WFIKKN1: variants seen among roughly 807,000 people sequenced by gnomAD.
The protein encoded by WFIKKN1 is WAP, Kazal, immunoglobulin, Kunitz and NTR domain-containing protein 1.
In WFIKKN1, 6 loss-of-function variants were observed where a neutral mutation model predicts 4.6. The ratio of observed to expected loss-of-function variants is 1.31; its 90% CI spans 0.72 to 2.59. The LOEUF is 2.59. WFIKKN1 is among the 30% of genes most tolerant of loss of function. WFIKKN1 has a pLI of 0.00. For missense variants in WFIKKN1, 964 were observed against 818.0 expected (o/e 1.18, Z -2.18); for synonymous variants, 468 against 367.4 (o/e 1.27, Z -3.13).
rs771429304 is a variant in WFIKKN1 at position 633,010 on chromosome 16, G to T, written c.600G>T (p.Gly200=). The change falls in exon 2 of 2, where the codon GGG becomes GGT. Residue 200 remains glycine, a synonymous_variant. Coordinates refer to ENST00000319070, the MANE Select transcript of WFIKKN1 (RefSeq NM_053284.3). ...CCTCCCCACAGGCGGTGCAGGTTGG[G>T]GGTACGGCCAGCCTCCACTGCGACG... is the stretch of plus-strand genomic sequence containing the variant. ...SSPSPQAVQV[G]GTASLHCDVS... 1.2e-6 allele frequency: 2 copies of T among 1,606,170 alleles called. No individual in the cohort carries two copies. Among genetic ancestry groups the T allele is most frequent in the South Asian group, 1.1e-5 (1 of 90,332 alleles).
rs775870027 is a variant in WFIKKN1, at chr16:633,911, C to T, written c.1501C>T (p.Leu501=). ...CAACATGACGGCGGGCGACGGGCCG[C>T]TGGTCATCATGGGTGAGGTGCGCGA... ...CPNMTAGDGP[L]VIMGEVRDGV... is the part of the protein sequence containing the mutation. Residue 501 remains leucine, a synonymous_variant, in exon 2 of 2, where the codon CTG becomes TTG. Transcript: ENST00000319070. 6.3e-7 allele frequency: 1 copy of T among 1,594,116 alleles called. No homozygotes were observed. Among genetic ancestry groups the T allele is most frequent in the Non-Finnish European group, 8.5e-7 (1 of 1,171,288 alleles).
Position 632,534 on chromosome 16 carries a change from C to T in WFIKKN1, c.172-48C>T, listed in dbSNP as rs373848240. On this transcript the variant is annotated intron_variant, in intron 1 of 1. Transcript: ENST00000319070. ...CCTTGCAGGGGCCAGGCCAGAGCCC[C>T]GGGGCGGGGGGCATTGGGGCTCCCA... 31 of 1,447,186 alleles carry T rather than the reference C, an allele frequency of 2.1e-5. No individual in the cohort carries two copies. The East Asian group carries it at 4.0e-4, about 19-fold the overall frequency. 89.6% of individuals were successfully genotyped at this position (1,447,186 alleles called of 1,614,324 possible). A position where few individuals can be genotyped will look rare whatever the true frequency, so the allele number is the denominator to read the frequency against.
Position 633,630 on chromosome 16 carries a change from ATGCC to A in WFIKKN1, c.1225_1228del (p.Cys409ProfsTer19). ...TTCCACAGCCGCGAGAGCTGCGAGG[ATGCC>A]TGCCCCGTGCCGCGCACACCGCCCT... is the stretch of plus-strand genomic sequence containing the variant. On this transcript the variant is annotated frameshift_variant, in exon 2 of 2. Coordinates refer to ENST00000319070, the MANE Select transcript of WFIKKN1 (RefSeq NM_053284.3). LOFTEE classifies it low-confidence loss of function (END_TRUNC). 7.0e-6 allele frequency: 11 copies of A among 1,570,652 alleles called. No homozygotes were observed. Among genetic ancestry groups the A allele is most frequent in the Non-Finnish European group, 8.6e-6 (10 of 1,162,750 alleles).
At position 632,932 on chromosome 16, in the gene WFIKKN1, T is replaced by G; in HGVS notation, c.522T>G (p.Thr174=). The G allele has an allele frequency of 9.0e-6, 14 of 1,559,086 alleles. No homozygotes were observed. Among genetic ancestry groups the G allele is most frequent in the Non-Finnish European group, 1.2e-5 (14 of 1,152,510 alleles). Residue 174 remains threonine, a synonymous_variant, in exon 2 of 2, where the codon ACT becomes ACG. Coordinates refer to ENST00000319070, the MANE Select transcript of WFIKKN1 (RefSeq NM_053284.3). ...GCAGCCCGGGGCCGCCGGAGACCAC[T>G]GCCCGCCCCACACCTGGGGCCGCGC... ...PPSSPGPPET[T]ARPTPGAAPV...
In WFIKKN1 at chr16:633,481, C is replaced by T. The variant is rs560854819; in HGVS notation, c.1071C>T (p.Asp357=). Residue 357 remains aspartate (D), a synonymous_variant, in exon 2 of 2, where the codon GAC becomes GAT. Transcript: ENST00000319070. ...CQQACARGPG[D]ACVLPAVQGP... ...AGGCCTGTGCCCGCGGCCCCGGCGA[C>T]GCCTGCGTGCTGCCTGCCGTGCAGG... The T allele has an allele frequency of 1.0e-4, 156 of 1,519,240 alleles. No individual in the cohort carries two copies. In the Middle Eastern group the frequency reaches 1.4e-3, roughly 13 times the overall value. 94.1% of individuals were successfully genotyped at this position (1,519,240 alleles called of 1,614,324 possible). A position where few individuals can be genotyped will look rare whatever the true frequency, so the allele number is the denominator to read the frequency against.
chr16:634,105 C>T lies in WFIKKN1; in HGVS notation c.*48C>T, dbSNP rs758968295. Reference sequence around the variant, plus strand: ...CCCGTCCTGGTGAATAAACGCACTCCCTGTGCCTCAGACCTCCTGGCTTGC... The same window carrying T: ...CCCGTCCTGGTGAATAAACGCACTCTCTGTGCCTCAGACCTCCTGGCTTGC... On this transcript the variant is annotated 3_prime_UTR_variant, in exon 2 of 2. Coordinates refer to ENST00000319070, the MANE Select transcript of WFIKKN1 (RefSeq NM_053284.3). 2 of 1,485,242 alleles carry T rather than the reference C, an allele frequency of 1.3e-6. No individual in the cohort carries two copies. Among genetic ancestry groups the T allele is most frequent in the East Asian group, 2.4e-5 (1 of 41,922 alleles). 92.0% of individuals were successfully genotyped at this position (1,485,242 alleles called of 1,614,324 possible).
chr16:632,983 C>G lies in WFIKKN1; in HGVS notation c.573C>G (p.Ser191Arg), dbSNP rs2036972016. ...AAPVPPALYSSPSPQAVQVGG... is the reference protein window; with the variant it reads ...AAPVPPALYSRPSPQAVQVGG... ...CCGTGCCTCCTGCCCTGTACAGCAG[C>G]CCCTCCCCACAGGCGGTGCAGGTTG... Residue 191 changes from serine (S) to arginine (R), a missense_variant, in exon 2 of 2, where the codon AGC (serine) becomes AGG (arginine). Coordinates refer to ENST00000319070, the MANE Select transcript of WFIKKN1 (RefSeq NM_053284.3). 1.9e-6 allele frequency: 3 copies of G among 1,594,954 alleles called. No homozygotes were observed. Among genetic ancestry groups the G allele is most frequent in the African/African-American group, 1.3e-5 (1 of 74,496 alleles).
At position 634,055 on chromosome 16, in the gene WFIKKN1, T is replaced by C; in HGVS notation, c.1645T>C (p.Ter549GlnextTer13). ...ACELLNRFQD[*>Q] is the part of the protein sequence containing the mutation. ...CGAGCTGCTCAACCGCTTCCAGGAC[T>C]AGCCCCCGCAGGGGCCTGCGCCACC... The change falls in exon 2 of 2, where the codon TAG (stop) becomes CAG (glutamine). Residue 549 changes from the stop codon to glutamine, a stop_lost. Transcript: ENST00000319070. 6.4e-7 allele frequency: 1 copy of C among 1,570,470 alleles called. No individual in the cohort carries two copies. The highest frequency in any genetic ancestry group is 8.6e-7 in the Non-Finnish European group (1 of 1,162,550).
At position 633,923 on chromosome 16, in the gene WFIKKN1, G is replaced by T; in HGVS notation, c.1513G>T (p.Gly505Cys). Residue 505 changes from glycine (G) to cysteine (C), a missense_variant, in exon 2 of 2, where the codon GGT becomes TGT. Coordinates refer to ENST00000319070, the MANE Select transcript of WFIKKN1 (RefSeq NM_053284.3). ...TAGDGPLVIM[G>C]EVRDGVAVLD... ...GGGCGACGGGCCGCTGGTCATCATG[G>T]GTGAGGTGCGCGATGGCGTGGCCGT... The T allele has an allele frequency of 6.3e-7, 1 of 1,595,088 alleles. No individual in the cohort carries two copies. Among genetic ancestry groups the T allele is most frequent in the Non-Finnish European group, 8.5e-7 (1 of 1,171,840 alleles).
In WFIKKN1 at chr16:633,865, G is replaced by C. The variant is rs567457672; in HGVS notation, c.1455G>C (p.Met485Ile). Residue 485 changes from methionine to isoleucine, a missense_variant, in exon 2 of 2, where the codon ATG becomes ATC. Transcript: ENST00000319070. ...ACCTGGAGGTGACGCTGAGTGGCAT[G>C]GACTGGGCCTGCCCCTGCCCCAACA... Reference protein sequence around the residue: ...TKYLEVTLSGMDWACPCPNMT... With the variant: ...TKYLEVTLSGIDWACPCPNMT... The C allele has an allele frequency of 2.5e-6, 4 of 1,596,442 alleles. No individual in the cohort carries two copies. The Admixed American group carries it at 6.9e-5, about 28-fold the overall frequency.
rs750262036 is a variant in WFIKKN1 at position 632,892 on chromosome 16, T to C, written c.482T>C (p.Leu161Pro). Residue 161 changes from leucine to proline, a missense_variant, in exon 2 of 2, where the codon CTC becomes CCC. Leu to Pro is a moderately conservative substitution (Grantham distance 98, BLOSUM62 -3). Coordinates refer to ENST00000319070, the MANE Select transcript of WFIKKN1 (RefSeq NM_053284.3). ...CACATCGTGCCCTGCAAGCACGTGCTCAGCTGGCCGCCCAGCAGCCCGGGG... is the reference window on the plus strand; with the variant it reads ...CACATCGTGCCCTGCAAGCACGTGCCCAGCTGGCCGCCCAGCAGCCCGGGG... ...HLHIVPCKHV[L>P]SWPPSSPGPP... 1.3e-6 allele frequency: 2 copies of C among 1,569,986 alleles called. No individual in the cohort carries two copies. Among genetic ancestry groups the C allele is most frequent in the Admixed American group, 3.6e-5 (2 of 54,892 alleles).
rs1003578086 is a variant in WFIKKN1 at position 633,641 on chromosome 16, G to A, written c.1231G>A (p.Val411Met). Residue 411 changes from valine to methionine, a missense_variant, in exon 2 of 2, where the codon GTG becomes ATG. Transcript: ENST00000319070. ...SRESCEDACP[V>M]PRTPPCRACR... ...CGAGAGCTGCGAGGATGCCTGCCCCGTGCCGCGCACACCGCCCTGCCGCGC... is the reference window on the plus strand; with the variant it reads ...CGAGAGCTGCGAGGATGCCTGCCCCATGCCGCGCACACCGCCCTGCCGCGC... 1.1e-5 allele frequency: 17 copies of A among 1,569,418 alleles called. No individual in the cohort carries two copies. Among genetic ancestry groups the A allele is most frequent in the East Asian group, 2.4e-5 (1 of 41,966 alleles).
Position 633,035 on chromosome 16 carries a change from G to A in WFIKKN1, c.625G>A (p.Val209Ile), listed in dbSNP as rs764442657. ...GGGTACGGCCAGCCTCCACTGCGAC[G>A]TCAGCGGCCGCCCGCCGCCTGCTGT... ...VGGTASLHCD[V>I]SGRPPPAVTW... Residue 209 changes from valine to isoleucine, a missense_variant, in exon 2 of 2, where the codon GTC becomes ATC. Transcript: ENST00000319070. 35 of 1,610,794 alleles carry A rather than the reference G, an allele frequency of 2.2e-5. No homozygotes were observed. The highest frequency in any genetic ancestry group is 1.2e-4 in the South Asian group (11 of 90,894).
At chr16:632,070 ACTCCTCCCATCCACTTCTTCCATCCT>A (rs2036957817) in intron 1 of WFIKKN1, 1 of 22,672 alleles carries the variant, frequency 4.4e-5, no homozygotes, top group Non-Finnish European at 8.8e-5. Flanking sequence ...CCTCCCATCC[ACTCCTCCCATCCACTTCTTCCATCCT>A]CTTCTCCCAC....
At position 631,318 on chromosome 16, in the gene WFIKKN1, T is replaced by C. The variant is rs1192901671; in HGVS notation, c.65T>C (p.Leu22Ser). The change falls in exon 1 of 2, where the codon TTG (leucine) becomes TCG (serine). Residue 22 changes from leucine to serine, a missense_variant. By Grantham distance (145) the Leu-to-Ser change is moderately radical. Coordinates refer to ENST00000319070, the MANE Select transcript of WFIKKN1 (RefSeq NM_053284.3). ...CTCCGGCTGACCTCGGGGGCTGGCTTGCTGCCAGGGCTGGGGAGCCACCCG... is the reference window on the plus strand; with the variant it reads ...CTCCGGCTGACCTCGGGGGCTGGCTCGCTGCCAGGGCTGGGGAGCCACCCG... ...LLLRLTSGAGLLPGLGSHPGV... is the reference protein window; with the variant it reads ...LLLRLTSGAGSLPGLGSHPGV... 6.2e-7 allele frequency: 1 copy of C among 1,602,824 alleles called. No individual in the cohort carries two copies. The highest frequency in any genetic ancestry group is 8.5e-7 in the Non-Finnish European group (1 of 1,179,120).
At position 633,096 on chromosome 16, in the gene WFIKKN1, T is replaced by C. The variant is rs369959131; in HGVS notation, c.686T>C (p.Leu229Pro). ...AAGCAGAGTCACCAGCGAGAGAACC[T>C]GATCATGCGCCCTGATCAGATGTAT... ...WEKQSHQREN[L>P]IMRPDQMYGN... Residue 229 changes from leucine (L) to proline (P), a missense_variant, in exon 2 of 2, where the codon CTG becomes CCG. Physicochemically the swap from Leu to Pro is moderately conservative, Grantham distance 98. Coordinates refer to ENST00000319070, the MANE Select transcript of WFIKKN1 (RefSeq NM_053284.3). The C allele has an allele frequency of 1.2e-6, 2 of 1,612,016 alleles. No individual in the cohort carries two copies. Among genetic ancestry groups the C allele is most frequent in the African/African-American group, 2.7e-5 (2 of 74,876 alleles).
In WFIKKN1 at chr16:633,665, G is replaced by A. The variant is rs545289227; in HGVS notation, c.1255G>A (p.Ala419Thr). Residue 419 changes from alanine (A) to threonine (T), a missense_variant, in exon 2 of 2, where the codon GCC becomes ACC. Transcript: ENST00000319070. ...CGTGCCGCGCACACCGCCCTGCCGC[G>A]CCTGCCGCCTCCGGAGCAAGCTGGC... ...CPVPRTPPCRACRLRSKLALS... is the reference protein window; with the variant it reads ...CPVPRTPPCRTCRLRSKLALS... 1.3e-4 allele frequency: 209 copies of A among 1,574,976 alleles called. No homozygotes were observed. Among genetic ancestry groups the A allele is most frequent in the Admixed American group, 4.0e-4 (22 of 55,358 alleles).
At position 633,343 on chromosome 16, in the gene WFIKKN1, C is replaced by A. The variant is rs780055381; in HGVS notation, c.933C>A (p.Ser311=). The change falls in exon 2 of 2, where the codon TCC becomes TCA. Residue 311 remains serine, a synonymous_variant. Coordinates refer to ENST00000319070, the MANE Select transcript of WFIKKN1 (RefSeq NM_053284.3). ...TGCAGGCCTGCACGGGCCCCACTTC[C>A]CCACACCTTGTCCTCTGGCACTACG... ...PDVQACTGPT[S]PHLVLWHYDP... is the part of the protein sequence containing the mutation. 1.5e-5 allele frequency: 24 copies of A among 1,579,928 alleles called. No individual in the cohort carries two copies. In the African/African-American group the frequency reaches 3.3e-4, roughly 21 times the overall value.
Position 632,968 on chromosome 16 carries a change from T to A in WFIKKN1, c.558T>A (p.Pro186=). The part of the protein sequence containing the change: ...RPTPGAAPVP[P]ALYSSPSPQA... The stretch of plus-strand genomic sequence containing the variant: ...CACCTGGGGCCGCGCCCGTGCCTCC[T>A]GCCCTGTACAGCAGCCCCTCCCCAC... Residue 186 remains proline, a synonymous_variant, in exon 2 of 2, where the codon CCT becomes CCA. Coordinates refer to ENST00000319070, the MANE Select transcript of WFIKKN1 (RefSeq NM_053284.3). 1.9e-6 allele frequency: 3 copies of A among 1,583,412 alleles called. No homozygotes were observed. Among genetic ancestry groups the A allele is most frequent in the Non-Finnish European group, 2.6e-6 (3 of 1,163,446 alleles).
Sources: gnomAD v4.1 joint callset for allele counts on GRCh38, gnomAD v4.1.1 for gene constraint, MANE v1.5 for transcripts, NCBI Gene and HGNC (gene_info 2026-07-23, HGNC 2026-07-21) for gene names.